The following KAZN variants were observed in gnomAD, a reference collection of about 807,000 sequenced individuals.
KAZN encodes kazrin.
KAZN carries 40 observed loss-of-function variants against 87.4 expected under a neutral mutation model. The observed-to-expected ratio is 0.46, with a 90% CI of 0.36 to 0.60. The LOEUF (loss-of-function observed/expected upper bound fraction) is 0.60, where lower values mean the gene tolerates loss of function less well. Ranked by LOEUF, KAZN falls within the 20% of genes least tolerant of loss-of-function variation. The probability of loss-of-function intolerance (pLI) is 0.00; values close to 1 mark genes in which losing one functional copy is unlikely to be tolerated. For synonymous variants in KAZN, 466 were observed against 458.3 expected (o/e 1.02, Z -0.22); for missense variants, 898 against 1,073.9 (o/e 0.84, Z 2.29).
chr1:14,867,506 C>T (rs1417833908), intron 1 of KAZN, among the ~76,000 whole-genome samples: 1 of 152,162 alleles, frequency 6.6e-6, no homozygotes, highest in African/African-American at 2.4e-5. Context: ...GGCTTTTTGA[C>T]TTCTCTGTGC....
chr1:14,586,256 G>A (rs1557817291), intron 2 of KAZN, among the ~76,000 whole-genome samples: 1 of 152,206 alleles, frequency 6.6e-6, no homozygotes, highest in Admixed American at 6.5e-5. Context: ...TCAAAACAGA[G>A]TGATCAGAAG....
In KAZN at chr1:15,021,613, C is replaced by A. The variant is rs78602379; in HGVS notation, c.419-13136C>A. Among the ~76,000 whole-genome samples the A allele has an allele frequency of 0.034, 5,139 of 152,278 alleles. 308 individuals are homozygous for A. The highest frequency in any genetic ancestry group is 0.12 in the African/African-American group (4,909 of 41,540). On this transcript the variant is annotated intron_variant, in intron 2 of 14. Transcript: ENST00000376030. This position sits in a 1 kb window ranked among gnomAD's most constrained non-coding sequence, Gnocchi z 4.2. ...TCCTGGCTTCCAGGTGACCTCTGAG[C>A]TCTTCCAGGGGCAGTCCTGAGCCGG...
intron 2 of KAZN, among the ~76,000 whole-genome samples, chr1:14,240,427 G>A (rs2100574598): frequency 6.6e-6 from 1 of 152,308 alleles, no homozygotes; most frequent in Non-Finnish European, 1.5e-5. Context: ...CCTGGATTTT[G>A]GTGCCACTTT....
At chr1:14,417,200 A>G (rs1275785794) in intron 2 of KAZN, among the ~76,000 whole-genome samples, 2 of 151,952 alleles carry the variant, frequency 1.3e-5, no homozygotes, top group Non-Finnish European at 2.9e-5. Context: ...AAAAAAGGAA[A>G]AAACAAAGAA....
At chr1:14,218,437 A>G (rs140316858) in intron 2 of KAZN, among the ~76,000 whole-genome samples, 26 of 152,288 alleles carry the variant, frequency 1.7e-4, no homozygotes, top group Non-Finnish European at 3.1e-4. Context: ...TTCTTGGGAA[A>G]TTAGAGGATT....
intron 2 of KAZN, among the ~76,000 whole-genome samples, chr1:14,219,290 T>C (rs1006620953): frequency 8.5e-5 from 13 of 152,082 alleles, no homozygotes; most frequent in Non-Finnish European, 1.8e-4. Flanking sequence ...GGAAGGGAAT[T>C]GTTGTTAAAA....
intron 2 of KAZN, among the ~76,000 whole-genome samples, chr1:14,576,220 A>G (rs1013189298): frequency 2.0e-5 from 3 of 152,196 alleles, no homozygotes; most frequent in Admixed American, 6.5e-5. Flanking sequence ...AGTAAGGACT[A>G]AAAGAGGTTA....
chr1:14,108,235 G>A lies in KAZN; in HGVS notation c.92-72200G>A, dbSNP rs1366693991. ...TTGCTTGAAAGTCATATTTTTCTAG[G>A]AAGCCTTCTCCCCACCTCCACCAAG... is the stretch of plus-strand genomic sequence containing the variant. On this transcript the variant is annotated intron_variant, in intron 1 of 16. Transcript: ENST00000636203. Among the ~76,000 whole-genome samples the A allele has an allele frequency of 4.6e-5, 7 of 151,786 alleles. No individual in the cohort carries two copies. The South Asian group carries it at 1.5e-3, about 32-fold the overall frequency.
intron 2 of KAZN, among the ~76,000 whole-genome samples, chr1:14,234,996 T>C (rs1648265782): frequency 1.3e-5 from 2 of 152,228 alleles, no homozygotes; most frequent in Non-Finnish European, 2.9e-5. Flanking sequence ...AAATGTTAAA[T>C]AGCTAGTTAC....
chr1:13,982,225 C>T (rs1172500711), intron 1 of KAZN, among the ~76,000 whole-genome samples: 1 of 152,186 alleles, frequency 6.6e-6, no homozygotes, highest in Non-Finnish European at 1.5e-5. Flanking sequence ...GGCTGCCTCA[C>T]AGTGCCCACC....
chr1:14,886,082 C>A (rs1305833641), intron 1 of KAZN, among the ~76,000 whole-genome samples: 6 of 152,068 alleles, frequency 3.9e-5, no homozygotes, highest in Non-Finnish European at 8.8e-5. Context: ...TCCCAAATGC[C>A]TTATGGGGTA....
chr1:15,040,752 C>T lies in KAZN; in HGVS notation c.556-3237C>T, dbSNP rs578055383. 4.0e-5 allele frequency among the ~76,000 whole-genome samples: 6 copies of T among 149,576 alleles called. No homozygotes were observed. The South Asian group carries it at 8.5e-4, about 21-fold the overall frequency. On this transcript the variant is annotated intron_variant, in intron 3 of 14. Transcript: ENST00000376030. The stretch of plus-strand genomic sequence containing the variant: ...CTACACTCCAGCTTGGGTGACAGAG[C>T]AAGACTCCATCTCAAAAAAGTTAAA...
At chr1:14,952,347 T>G (rs1662597366) in intron 1 of KAZN, among the ~76,000 whole-genome samples, 1 of 150,746 alleles carries the variant, frequency 6.6e-6, no homozygotes, top group African/African-American at 2.5e-5. Context: ...CCAAGATGGA[T>G]GGGGTTTAGA....
chr1:14,363,284 G>A (rs898902176), intron 2 of KAZN, among the ~76,000 whole-genome samples: 8 of 152,188 alleles, frequency 5.3e-5, no homozygotes, highest in African/African-American at 1.7e-4. Context: ...TCAAGATGAT[G>A]TTTAAACATC....
chr1:14,110,328 T>G (rs1361331082), intron 1 of KAZN, among the ~76,000 whole-genome samples: 1 of 152,210 alleles, frequency 6.6e-6, no homozygotes, highest in Admixed American at 6.5e-5. Context: ...CCTCATTACA[T>G]AAGATATATT....
chr1:14,859,615 A>G (rs889023333), intron 1 of KAZN, among the ~76,000 whole-genome samples: 1 of 152,164 alleles, frequency 6.6e-6, no homozygotes, highest in African/African-American at 2.4e-5. Context: ...CCTACTCTGA[A>G]TCTAATTAGA....
intron 2 of KAZN, among the ~76,000 whole-genome samples, chr1:14,578,978 C>G (rs1675362264): frequency 6.6e-6 from 1 of 152,106 alleles, no homozygotes; most frequent in African/African-American, 2.4e-5. Flanking sequence ...TTTTCCCTAT[C>G]CCCAGCACCT....
At chr1:14,790,367 T>C (rs1019548359) in intron 1 of KAZN, among the ~76,000 whole-genome samples, 1 of 152,144 alleles carries the variant, frequency 6.6e-6, no homozygotes, top group African/African-American at 2.4e-5. Context: ...AGGGGCTTTT[T>C]CCACTTTTCT....
chr1:14,855,676 C>T (rs1650014748), intron 1 of KAZN, among the ~76,000 whole-genome samples: 1 of 152,198 alleles, frequency 6.6e-6, no homozygotes, highest in African/African-American at 2.4e-5. Flanking sequence ...GGAACTAGCT[C>T]ATATTGAACT....
Sources: gnomAD v4.1 joint callset for allele counts (sites outside exome capture counted in the v4.1 genomes callset) on GRCh38, gnomAD v4.1.1 for gene constraint, Gnocchi (gnomAD v3.1) non-coding constraint, MANE v1.5 for transcripts, NCBI Gene and HGNC (gene_info 2026-07-23, HGNC 2026-07-21) for gene names.